Variants in FNDC3B observed in about 807,000 individuals in gnomAD.
FNDC3B encodes fibronectin type III domain-containing protein 3B.
In FNDC3B, 12 loss-of-function variants were observed where a neutral mutation model predicts 151.5. The ratio of observed to expected loss-of-function variants is 0.08; its 90% CI spans 0.05 to 0.13. The LOEUF (loss-of-function observed/expected upper bound fraction) is 0.13, where lower values mean the gene tolerates loss of function less well. Ranked by LOEUF, FNDC3B falls within the 10% of genes least tolerant of loss-of-function variation. The probability of loss-of-function intolerance (pLI) is 1.00; values close to 1 mark genes in which losing one functional copy is unlikely to be tolerated. For synonymous variants in FNDC3B, 528 were observed against 549.0 expected, an observed-to-expected ratio of 0.96 and a Z score of 0.54; for missense variants, 1,214 against 1,505.3, an observed-to-expected ratio of 0.81 and a Z score of 3.20.
intron 1 of FNDC3B, among the ~76,000 whole-genome samples, chr3:172,090,329 G>A (rs907211592): frequency 4.6e-5 from 7 of 152,082 alleles, no homozygotes; most frequent in African/African-American, 1.7e-4. Context: ...ATCACTGAGC[G>A]GGGGCAGTGA....
chr3:172,392,451 G>A (rs1736056860), intron 25 of FNDC3B, among the ~76,000 whole-genome samples: 1 of 152,168 alleles, frequency 6.6e-6, no homozygotes. Flanking sequence ...GAAAATGAGG[G>A]AGGAATCTCT....
intron 2 of FNDC3B, among the ~76,000 whole-genome samples, chr3:172,117,726 T>C (rs986816160): frequency 2.0e-5 from 3 of 152,216 alleles, no homozygotes; most frequent in Non-Finnish European, 4.4e-5. Flanking sequence ...TGGAACTGGA[T>C]TGGATTAGAT....
intron 25 of FNDC3B, among the ~76,000 whole-genome samples, chr3:172,383,150 A>G (rs895743900): frequency 2.6e-5 from 4 of 152,180 alleles, no homozygotes; most frequent in Admixed American, 6.5e-5. Flanking sequence ...TTTCTTGAGC[A>G]GTGGTTTGTA....
At chr3:172,217,164 G>A (rs148771671) in intron 3 of FNDC3B, among the ~76,000 whole-genome samples, 1 of 152,166 alleles carries the variant, frequency 6.6e-6, no homozygotes, top group Non-Finnish European at 1.5e-5. Flanking sequence ...TGGCAGTTAC[G>A]TTGGGTTCAA....
intron 3 of FNDC3B, among the ~76,000 whole-genome samples, chr3:172,192,263 C>T (rs1313408367): frequency 6.6e-6 from 1 of 150,948 alleles, no homozygotes; most frequent in Non-Finnish European, 1.5e-5. Context: ...ACCTCCGCCT[C>T]CCTGGTACAA....
At chr3:172,268,334 A>C (rs1729022359) in intron 6 of FNDC3B, among the ~76,000 whole-genome samples, 1 of 152,238 alleles carries the variant, frequency 6.6e-6, no homozygotes, top group Admixed American at 6.5e-5. Flanking sequence ...CCTGGACAGT[A>C]ATTAGAGTTA....
intron 2 of FNDC3B, among the ~76,000 whole-genome samples, chr3:172,125,297 A>G (rs1265523627): frequency 2.6e-5 from 4 of 151,946 alleles, no homozygotes; most frequent in Non-Finnish European, 4.4e-5. Flanking sequence ...TGTTTGCAAA[A>G]GGAGCTGGGA....
intron 11 of FNDC3B, among the ~76,000 whole-genome samples, chr3:172,325,617 C>G (rs1344102858): frequency 2.0e-5 from 3 of 152,120 alleles, no homozygotes; most frequent in Non-Finnish European, 4.4e-5. Context: ...ATCTTCTATG[C>G]CTTTGAACAC....
At chr3:172,186,786 A>G (rs1263956251) in intron 3 of FNDC3B, 3 of 700,170 alleles carry the variant, frequency 4.3e-6, no homozygotes, top group Admixed American at 4.0e-5. Context: ...GTTCTCTCTC[A>G]TGTTTCATGA....
Position 172,381,083 on chromosome 3 carries a change from A to G in FNDC3B, c.3293A>G (p.Glu1098Gly). Residue 1098 changes from glutamate to glycine, a missense_variant, in exon 25 of 26, where the codon GAG becomes GGG. Transcript: ENST00000415807. ...CAGGTATTGGTTGGAAGAGAATCTG[A>G]GTACAAACAGGTAAGAACCAGTGTG... ...ILQVLVGRES[E>G]YKQVYKGEEA... 1.2e-6 allele frequency: 2 copies of G among 1,613,484 alleles called. No homozygotes were observed. Among genetic ancestry groups the G allele is most frequent in the Non-Finnish European group, 1.7e-6 (2 of 1,179,512 alleles).
chr3:172,326,535 G>A (rs77682253), intron 11 of FNDC3B, among the ~76,000 whole-genome samples: 1 of 152,164 alleles, frequency 6.6e-6, no homozygotes, highest in South Asian at 2.1e-4. Context: ...GTTTGTTTTT[G>A]AGATGGAGTC....
chr3:172,136,467 T>G (rs1410674333), intron 3 of FNDC3B, among the ~76,000 whole-genome samples: 1 of 152,192 alleles, frequency 6.6e-6, no homozygotes, highest in Admixed American at 6.5e-5. Flanking sequence ...CAGGTGGGGC[T>G]TCCAGCTCCA....
At chr3:172,221,184 T>TG (rs889348600) in intron 3 of FNDC3B, among the ~76,000 whole-genome samples, 17 of 152,006 alleles carry the variant, frequency 1.1e-4, no homozygotes, top group Non-Finnish European at 1.9e-4. Flanking sequence ...GTAATTTTTT[T>TG]TGTGGGATCT....
At chr3:172,380,192 T>C (rs541876321) in intron 24 of FNDC3B, among the ~76,000 whole-genome samples, 1 of 151,632 alleles carries the variant, frequency 6.6e-6, no homozygotes, top group Non-Finnish European at 1.5e-5. Flanking sequence ...TATAAGGGGG[T>C]TCAGACAGGA....
intron 3 of FNDC3B, among the ~76,000 whole-genome samples, chr3:172,136,076 A>C (rs1721348040): frequency 6.6e-6 from 1 of 152,222 alleles, no homozygotes; most frequent in East Asian, 1.9e-4. Flanking sequence ...CAAAGCTAGA[A>C]AGAGGCAGAG....
At chr3:172,331,965 G>C (rs898390588) in intron 13 of FNDC3B, among the ~76,000 whole-genome samples, 2 of 151,974 alleles carry the variant, frequency 1.3e-5, no homozygotes, top group African/African-American at 4.8e-5. Flanking sequence ...TAGTATGGAG[G>C]GTTTGTGCTT....
intron 23 of FNDC3B, among the ~76,000 whole-genome samples, chr3:172,369,074 C>T (rs1170854129): frequency 2.0e-5 from 3 of 152,046 alleles, no homozygotes; most frequent in Non-Finnish European, 2.9e-5. Context: ...CCTTTGAAAC[C>T]GAGTAGCTTA....
intron 4 of FNDC3B, among the ~76,000 whole-genome samples, chr3:172,243,302 T>C (rs1402007189): frequency 6.6e-6 from 1 of 152,206 alleles, no homozygotes; most frequent in African/African-American, 2.4e-5. Context: ...CCACTCTTCT[T>C]GGACCAATTT....
chr3:172,328,478 C>T (rs867549220), intron 11 of FNDC3B, among the ~76,000 whole-genome samples: 1 of 152,166 alleles, frequency 6.6e-6, no homozygotes, highest in Non-Finnish European at 1.5e-5. Context: ...ATGGCACACT[C>T]AGCTGCAGAG....
Sources: allele counts gnomAD v4.1 joint callset (sites outside exome capture counted in the v4.1 genomes callset), GRCh38; gene constraint gnomAD v4.1.1; transcripts MANE v1.5; gene names NCBI Gene and HGNC (gene_info 2026-07-23, HGNC 2026-07-21).